The following MAML3 variants were observed in gnomAD, a reference collection of about 807,000 sequenced individuals.
MAML3 encodes mastermind like transcriptional coactivator 3.
Under a neutral mutation model 101.9 loss-of-function variants are expected in MAML3, and 27 were observed. The ratio of observed to expected loss-of-function variants is 0.27; its 90% CI spans 0.20 to 0.37. The LOEUF (loss-of-function observed/expected upper bound fraction) is 0.37, where lower values mean the gene tolerates loss of function less well. Among genes scored for constraint, MAML3 ranks in the 10% least tolerant of loss-of-function variants. MAML3 has a pLI of 1.00. For missense variants in MAML3, 1,316 were observed against 1,444.9 expected (o/e 0.91, Z 1.45); for synonymous variants, 501 against 555.9 (o/e 0.90, Z 1.39).
chr4:139,940,971 T>C (rs1733586450), intron 1 of MAML3, among the ~76,000 whole-genome samples: 1 of 152,208 alleles, frequency 6.6e-6, no homozygotes, highest in Admixed American at 6.5e-5. Context: ...TAAATATAGA[T>C]CACAAGTGAT....
At chr4:139,727,158 C>T (rs1470993363) in intron 3 of MAML3, among the ~76,000 whole-genome samples, 1 of 152,142 alleles carries the variant, frequency 6.6e-6, no homozygotes, top group Non-Finnish European at 1.5e-5. Flanking sequence ...TTCTTTTTCT[C>T]TTTCTCTACA....
At chr4:140,016,875 G>C (rs1726650118) in intron 1 of MAML3, among the ~76,000 whole-genome samples, 1 of 152,146 alleles carries the variant, frequency 6.6e-6, no homozygotes, top group African/African-American at 2.4e-5. Flanking sequence ...AAAAAAGTAA[G>C]AGAAAATCTT....
intron 2 of MAML3, among the ~76,000 whole-genome samples, chr4:139,876,952 C>G (rs1732127209): frequency 6.6e-6 from 1 of 152,148 alleles, no homozygotes; most frequent in African/African-American, 2.4e-5. Context: ...ATGAATTGGC[C>G]AGAGCCCAGT....
At chr4:139,951,150 C>T (rs1457025395) in intron 1 of MAML3, among the ~76,000 whole-genome samples, 4 of 152,236 alleles carry the variant, frequency 2.6e-5, no homozygotes, top group Non-Finnish European at 4.4e-5. Context: ...TTCTCCCCAT[C>T]CTACCCAAAC....
In MAML3 at chr4:139,889,830, T is replaced by C. The variant is rs778037539; in HGVS notation, c.1606A>G (p.Lys536Glu). 53 of 1,613,774 alleles carry C rather than the reference T, an allele frequency of 3.3e-5. No individual in the cohort carries two copies. The highest frequency in any genetic ancestry group is 4.3e-5 in the Non-Finnish European group (51 of 1,179,898). Residue 536 changes from lysine to glutamate, a missense_variant, in exon 2 of 5, where the codon AAA becomes GAA. Physicochemically the swap from Lys to Glu is moderately conservative, Grantham distance 56. Transcript: ENST00000509479. ...GGGTACATCATTGGGCTATTTGGTTTTTCTGCAGTAAAAGCTGCTCCATAT... is the reference window on the plus strand; with the variant it reads ...GGGTACATCATTGGGCTATTTGGTTCTTCTGCAGTAAAAGCTGCTCCATAT... ...SPYGAAFTAE[K>E]PNSPMMYPQA... is the part of the protein sequence containing the mutation.
chr4:139,853,069 G>A (rs1731589490), intron 2 of MAML3, among the ~76,000 whole-genome samples: 1 of 152,202 alleles, frequency 6.6e-6, no homozygotes, highest in African/African-American at 2.4e-5. Context: ...TGACATTACA[G>A]AATGACTAGG....
intron 1 of MAML3, among the ~76,000 whole-genome samples, chr4:140,047,049 G>A (rs144685745): frequency 6.9e-4 from 105 of 152,234 alleles, no homozygotes; most frequent in African/African-American, 2.5e-3. Context: ...GGAAGATGCC[G>A]TCTGAGAGAC....
chr4:139,773,192 C>T (rs147176190), intron 2 of MAML3, among the ~76,000 whole-genome samples: 402 of 152,144 alleles, frequency 2.6e-3, no homozygotes, highest in Non-Finnish European at 4.2e-3. Context: ...AGCTCTGAAA[C>T]GTATTGGCTC....
At chr4:139,941,159 G>T (rs1431855835) in intron 1 of MAML3, among the ~76,000 whole-genome samples, 1 of 152,106 alleles carries the variant, frequency 6.6e-6, no homozygotes, top group African/African-American at 2.4e-5. Context: ...TCTCTTTTTA[G>T]ATTTAGCTGT....
chr4:140,076,130 G>A (rs1471010296), intron 1 of MAML3, among the ~76,000 whole-genome samples: 4 of 151,764 alleles, frequency 2.6e-5, no homozygotes, highest in African/African-American at 7.3e-5. Flanking sequence ...GCCTCCCAAA[G>A]CCCTGGTATT....
intron 2 of MAML3, among the ~76,000 whole-genome samples, chr4:139,796,837 A>G (rs1379230838): frequency 6.6e-6 from 1 of 152,002 alleles, no homozygotes; most frequent in Non-Finnish European, 1.5e-5. Flanking sequence ...TGACTGGAAT[A>G]CAGCAAGAAT....
chr4:140,141,312 C>T (rs112305489), intron 1 of MAML3, among the ~76,000 whole-genome samples: 15 of 152,222 alleles, frequency 9.9e-5, no homozygotes, highest in African/African-American at 3.4e-4. Context: ...AGGTGCCTGT[C>T]GAAGCAAGTC....
chr4:139,762,734 C>T (rs78335894), intron 2 of MAML3, among the ~76,000 whole-genome samples: 5,643 of 152,254 alleles, frequency 0.037, 183 homozygotes, highest in Middle Eastern at 0.082. Context: ...CTTTAACCCC[C>T]GTGAACCCTG....
intron 2 of MAML3, among the ~76,000 whole-genome samples, chr4:139,801,644 G>GTGTGTGTGTC (rs1730608899): frequency 2.0e-4 from 1 of 5,078 alleles, no homozygotes; most frequent in African/African-American, 4.0e-4. Context: ...GTGTGTGTGG[G>GTGTGTGTGTC]TGTGTGTGTG....
intron 1 of MAML3, among the ~76,000 whole-genome samples, chr4:140,151,285 G>A (rs997971694): frequency 2.0e-5 from 3 of 152,046 alleles, no homozygotes; most frequent in African/African-American, 7.2e-5. Flanking sequence ...GCCGACCTGG[G>A]AGGGGAGGGA....
intron 1 of MAML3, among the ~76,000 whole-genome samples, chr4:139,997,314 C>G (rs990012753): frequency 6.6e-6 from 1 of 151,526 alleles, no homozygotes; most frequent in Non-Finnish European, 1.5e-5. Context: ...TTCCATTTTA[C>G]TAATTTTTGA....
In MAML3 at chr4:140,154,011, G is replaced by A. The variant is rs1729224435; in HGVS notation, c.-684C>T. ...GCGACTGCAAAAGTAGATCGGTGAA[G>A]TCCTTTGCAAAACGCCGCGCAGAGA... On this transcript the variant is annotated 5_prime_UTR_variant, in exon 1 of 5. Transcript: ENST00000509479. The A allele has an allele frequency of 6.5e-6, 1 of 154,950 alleles. No homozygotes were observed. Among genetic ancestry groups the A allele is most frequent in the Non-Finnish European group, 1.5e-5 (1 of 68,792 alleles). The allele number at this position is 154,950 out of a possible 1,614,324, so 9.6% of individuals were successfully genotyped here.
intron 1 of MAML3, among the ~76,000 whole-genome samples, chr4:140,110,105 G>A (rs1318708208): frequency 1.3e-5 from 2 of 152,218 alleles, no homozygotes; most frequent in Non-Finnish European, 2.9e-5. Flanking sequence ...TGCAGCCAAC[G>A]AATGCACCAG....
At chr4:139,724,775 C>CTT (rs34621312) in intron 4 of MAML3, among the ~76,000 whole-genome samples, 14 of 130,246 alleles carry the variant, frequency 1.1e-4, no homozygotes, top group South Asian at 2.5e-4. Flanking sequence ...CCTCAAGGGT[C>CTT]TTTTTTTTTT....
Sources: allele counts gnomAD v4.1 joint callset (sites outside exome capture counted in the v4.1 genomes callset), GRCh38; gene constraint gnomAD v4.1.1; transcripts MANE v1.5; gene names NCBI Gene and HGNC (gene_info 2026-07-23, HGNC 2026-07-21).